Variants in CTR9 observed in about 807,000 individuals in gnomAD.
CTR9 encodes the protein CTR9 component of Paf1/RNA polymerase II complex.
In CTR9, 41 loss-of-function variants were observed where a neutral mutation model predicts 152.1. That is an observed-to-expected ratio of 0.27 (90% confidence interval 0.21 to 0.35). The LOEUF (loss-of-function observed/expected upper bound fraction) is 0.35, where lower values mean the gene tolerates loss of function less well. Among genes scored for constraint, CTR9 ranks in the 10% least tolerant of loss-of-function variants. The pLI, the probability that CTR9 is intolerant of heterozygous loss-of-function variation, is 1.00. For synonymous variants in CTR9, 476 were observed against 496.2 expected (o/e 0.96, Z 0.54); for missense variants, 917 against 1,424.4 (o/e 0.64, Z 5.73).
Position 10,775,315 on chromosome 11 carries a change from G to A in CTR9, c.2982+12G>A. On this transcript the variant is annotated intron_variant, in intron 23 of 24. Transcript: ENST00000361367. ...AGAAGAAAAAGGCTGTAAGTTTATA[G>A]TACTGTGTTTTTCTGTCCCCTAGTA... The A allele has an allele frequency of 6.2e-7, 1 of 1,610,536 alleles. No individual in the cohort carries two copies. The highest frequency in any genetic ancestry group is 1.1e-5 in the South Asian group (1 of 90,864).
At chr11:10,761,321 C>T (rs1862973358) in intron 6 of CTR9, among the ~76,000 whole-genome samples, 1 of 152,160 alleles carries the variant, frequency 6.6e-6, no homozygotes, top group Admixed American at 6.5e-5. Context: ...AACTTTCCTT[C>T]CTAAACTCAA....
Position 10,767,321 on chromosome 11 carries a change from G to A in CTR9, c.1687-485G>A, listed in dbSNP as rs16915039. On this transcript the variant is annotated intron_variant, in intron 13 of 24. Coordinates refer to ENST00000361367, the MANE Select transcript of CTR9 (RefSeq NM_014633.5). This position sits in a 1 kb window ranked among gnomAD's most constrained non-coding sequence, Gnocchi z 4.0. ...TTTTGCCTGTTAGTGATGGTTCCACGTTTGTAACGTTTTGGTTGAGATTTT... is the reference window on the plus strand; with the variant it reads ...TTTTGCCTGTTAGTGATGGTTCCACATTTGTAACGTTTTGGTTGAGATTTT... The A allele has an allele frequency of 0.054, 8,428 of 155,480 alleles. 755 individuals are homozygous for A. Among genetic ancestry groups the A allele is most frequent in the African/African-American group, 0.19 (7,788 of 41,538 alleles). The allele number at this position is 155,480 out of a possible 1,614,324, so 9.6% of individuals were successfully genotyped here. A position where few individuals can be genotyped will look rare whatever the true frequency, so the allele number is the denominator to read the frequency against.
intron 21 of CTR9, 70 bp from the exon 22 acceptor site, chr11:10,773,942 T>C: frequency 2.8e-6 from 3 of 1,086,562 alleles, no homozygotes; most frequent in South Asian, 1.7e-5. Context: ...GGCCCCTTTC[T>C]GTACCTTAGC....
chr11:10,778,715 C>T lies in CTR9; in HGVS notation c.3132C>T (p.Asp1044=), dbSNP rs759447696. The T allele has an allele frequency of 1.6e-5, 26 of 1,613,712 alleles. No homozygotes were observed. The highest frequency in any genetic ancestry group is 8.9e-5 in the East Asian group (4 of 44,900). The change falls in exon 25 of 25, where the codon GAC becomes GAT. Residue 1044 remains aspartate, a synonymous_variant. Transcript: ENST00000361367. ...ACAGCAACAGCAACAGTGACTCAGA[C>T]GAGGACGAACAACGAAAGAAATGTG... The part of the protein sequence containing the change: ...PRNSNSNSDS[D]EDEQRKKCAS...
rs138060011 is a variant in CTR9, at chr11:10,760,216, C to T, written c.636C>T (p.Asn212=). Residue 212 remains asparagine (N), a synonymous_variant, in exon 6 of 25, where the codon AAC becomes AAT. Transcript: ENST00000361367. ...LGMGHCFVKL[N]KLEKARLAFS... Reference sequence around the variant, plus strand: ...TGGGTCATTGCTTTGTGAAACTTAACAAACTGGAAAAAGCTCGTCTGGCAT... The same window carrying T: ...TGGGTCATTGCTTTGTGAAACTTAATAAACTGGAAAAAGCTCGTCTGGCAT... 48 of 1,614,016 alleles carry T rather than the reference C, an allele frequency of 3.0e-5. No individual in the cohort carries two copies. In the African/African-American group the frequency reaches 6.3e-4, roughly 21 times the overall value.
chr11:10,754,861 T>C (rs1387211766), intron 2 of CTR9, 97 bp from the exon 3 acceptor site: 2 of 1,284,150 alleles, frequency 1.6e-6, no homozygotes, highest in East Asian at 2.4e-5. Context: ...GTTTCCAGTT[T>C]TTTGTTATTA....
chr11:10,770,312 CAG>C lies in CTR9; in HGVS notation c.2214_2215del (p.Gln738HisfsTer6), dbSNP rs754571534. On this transcript the variant is annotated frameshift_variant, in exon 17 of 25. Transcript: ENST00000361367. LOFTEE classifies it high-confidence loss of function. ...FKCGKLQECK[Q>X]TLLKARHVAP... ...GTGTGGCAAGTTACAGGAATGCAAA[CAG>C]ACTTTGCTGAAGGTAAAAAGGAGAG... The C allele has an allele frequency of 6.2e-7, 1 of 1,613,350 alleles. No individual in the cohort carries two copies. Among genetic ancestry groups the C allele is most frequent in the Non-Finnish European group, 8.5e-7 (1 of 1,179,494 alleles).
intron 7 of CTR9, among the ~76,000 whole-genome samples, chr11:10,762,375 G>A (rs1862991814): frequency 2.0e-5 from 3 of 152,154 alleles, no homozygotes; most frequent in Admixed American, 2.0e-4. Context: ...TAAAAATAAA[G>A]GTATCTACTC....
intron 24 of CTR9, among the ~76,000 whole-genome samples, chr11:10,776,977 A>G (rs1417104377): frequency 6.6e-6 from 1 of 150,752 alleles, no homozygotes; most frequent in African/African-American, 2.4e-5. Flanking sequence ...TTGTGAAAAA[A>G]AAAAAAAAAA....
At chr11:10,772,732 GT>G (rs1863164215) in intron 20 of CTR9, 77 bp downstream of exon 20, 2 of 1,368,396 alleles carry the variant, frequency 1.5e-6, no homozygotes, top group African/African-American at 3.0e-5. Flanking sequence ...AAAAAAAAAA[GT>G]CCTCTGCCAG....
intron 12 of CTR9, among the ~76,000 whole-genome samples, chr11:10,765,450 T>C (rs1191501418): frequency 1.3e-5 from 2 of 151,670 alleles, no homozygotes; most frequent in African/African-American, 4.8e-5. Flanking sequence ...AATCAGGAGG[T>C]TTTTTGTTTT....
intron 22 of CTR9, among the ~76,000 whole-genome samples, 174 bp from the exon 23 acceptor site, chr11:10,775,033 G>A (rs1247479563): frequency 3.3e-5 from 5 of 152,154 alleles, no homozygotes; most frequent in Non-Finnish European, 7.3e-5. Flanking sequence ...ACATTTCTGA[G>A]CCACGTGCAG....
intron 5 of CTR9, 54 bp downstream of exon 5, chr11:10,756,892 A>G (rs1862893232): frequency 8.9e-7 from 1 of 1,122,480 alleles, no homozygotes; most frequent in African/African-American, 1.6e-5. Context: ...AGCTTAAAGC[A>G]TTGAGGATTT....
intron 24 of CTR9, among the ~76,000 whole-genome samples, chr11:10,776,742 G>T (rs1368438279): frequency 6.6e-6 from 1 of 152,102 alleles, no homozygotes; most frequent in Admixed American, 6.6e-5. Flanking sequence ...AGAGGCCAAC[G>T]TGGGCGGATC....
Position 10,751,290 on chromosome 11 carries a change from G to A in CTR9, c.-123G>A. On this transcript the variant is annotated 5_prime_UTR_variant, in exon 1 of 25. Coordinates refer to ENST00000361367, the MANE Select transcript of CTR9 (RefSeq NM_014633.5). ...GGAAGGAGAAGCCAGAGCTCCAGCG[G>A]CGCCGCGGGGCGGCAGTCAAGACCA... 9.8e-7 allele frequency: 1 copy of A among 1,021,324 alleles called. No individual in the cohort carries two copies. The highest frequency in any genetic ancestry group is 1.5e-6 in the Non-Finnish European group (1 of 670,382). 63.3% of individuals were successfully genotyped at this position (1,021,324 alleles called of 1,614,324 possible). A position where few individuals can be genotyped will look rare whatever the true frequency, so the allele number is the denominator to read the frequency against.
Position 10,751,318 on chromosome 11 carries a change from GC to G in CTR9, c.-93del. On this transcript the variant is annotated 5_prime_UTR_variant, in exon 1 of 25. Coordinates refer to ENST00000361367, the MANE Select transcript of CTR9 (RefSeq NM_014633.5). ...CCGCGGGGCGGCAGTCAAGACCAGA[GC>G]CGGAGCCGTCACTCACCTCTGGATT... The G allele has an allele frequency of 7.4e-7, 1 of 1,352,354 alleles. No homozygotes were observed. The highest frequency in any genetic ancestry group is 1.1e-6 in the Non-Finnish European group (1 of 950,370). The allele number at this position is 1,352,354 out of a possible 1,614,324, so 83.8% of individuals were successfully genotyped here. A position where few individuals can be genotyped will look rare whatever the true frequency, so the allele number is the denominator to read the frequency against.
Position 10,775,293 on chromosome 11 carries a change from A to C in CTR9, c.2972A>C (p.Lys991Thr). The change falls in exon 23 of 25, where the codon AAG (lysine) becomes ACG (threonine). Residue 991 changes from lysine to threonine, a missense_variant. Physicochemically the swap from Lys to Thr is moderately conservative, Grantham distance 78. This residue lies in a region of CTR9 where 384 missense variants were observed against 398.4 expected (regional missense o/e 0.96). Coordinates refer to ENST00000361367, the MANE Select transcript of CTR9 (RefSeq NM_014633.5). ...PKKRRPPKAEKKKAPKPERLP... is the reference protein window; with the variant it reads ...PKKRRPPKAETKKAPKPERLP... ...AAACGACGTCCACCAAAAGCAGAGAAGAAAAAGGCTGTAAGTTTATAGTAC... is the reference window on the plus strand; with the variant it reads ...AAACGACGTCCACCAAAAGCAGAGACGAAAAAGGCTGTAAGTTTATAGTAC... The C allele has an allele frequency of 6.2e-7, 1 of 1,613,994 alleles. No individual in the cohort carries two copies. The highest frequency in any genetic ancestry group is 1.6e-4 in the Middle Eastern group (1 of 6,062).
At chr11:10,763,576 C>T (rs768325887) in intron 8 of CTR9, 38 bp downstream of exon 8, 5 of 1,568,766 alleles carry the variant, frequency 3.2e-6, no homozygotes, top group Non-Finnish European at 2.6e-6. Context: ...AATCTTTTTA[C>T]TTATAGTGTT....
Position 10,772,507 on chromosome 11 carries a change from T to C in CTR9, c.2445-13T>C, listed in dbSNP as rs117213008. Reference sequence around the variant, plus strand: ...AGTTACATTCATGTTTCTCTAAACCTGAAATGTTCTAGGCAGTGTTCTGAC... The same window carrying C: ...AGTTACATTCATGTTTCTCTAAACCCGAAATGTTCTAGGCAGTGTTCTGAC... On this transcript the variant is annotated splice_polypyrimidine_tract_variant and intron_variant, in intron 19 of 24. Coordinates refer to ENST00000361367, the MANE Select transcript of CTR9 (RefSeq NM_014633.5). The C allele has an allele frequency of 0.019, 27,618 of 1,428,242 alleles. 314 individuals carry two copies. The highest frequency in any genetic ancestry group is 0.022 in the Middle Eastern group (117 of 5,322). 88.5% of individuals were successfully genotyped at this position (1,428,242 alleles called of 1,614,324 possible).
Sources: gnomAD v4.1 joint callset for allele counts (sites outside exome capture counted in the v4.1 genomes callset) on GRCh38, gnomAD v4.1.1 for gene constraint, gnomAD v4.1.1 regional missense constraint, Gnocchi (gnomAD v3.1) non-coding constraint, MANE v1.5 for transcripts, NCBI Gene and HGNC (gene_info 2026-07-23, HGNC 2026-07-21) for gene names.